Variants in GABRG1 observed in about 807,000 individuals in gnomAD.
GABRG1 encodes gamma-aminobutyric acid type A receptor subunit gamma1.
GABRG1 carries 49 observed loss-of-function variants against 49.8 expected under a neutral mutation model. The observed-to-expected ratio is 0.98, with a 90% CI of 0.78 to 1.25. GABRG1 has a LOEUF of 1.25. Among genes scored for constraint, GABRG1 ranks in the 50% most tolerant of loss-of-function variants. The pLI, the probability that GABRG1 is intolerant of heterozygous loss-of-function variation, is 0.00. For synonymous variants in GABRG1, 232 were observed against 185.1 expected, an observed-to-expected ratio of 1.25 and a Z score of -2.06; for missense variants, 552 against 552.3, an observed-to-expected ratio of 1.00 and a Z score of 0.01.
chr4:46,105,916 TGAA>T (rs1720521471), intron 1 of GABRG1, among the ~76,000 whole-genome samples: 1 of 151,430 alleles, frequency 6.6e-6, no homozygotes, highest in Non-Finnish European at 1.5e-5. Flanking sequence ...GCAAAACAAG[TGAA>T]GGAGTCCTAT....
chr4:46,102,663 T>C (rs1039413639), intron 1 of GABRG1, among the ~76,000 whole-genome samples: 5 of 151,702 alleles, frequency 3.3e-5, no homozygotes, highest in Non-Finnish European at 7.4e-5. Flanking sequence ...AGTCATTTAG[T>C]ATATGATTAT....
rs1261329871 is a variant in GABRG1 at position 46,058,466 on chromosome 4, ATTTGAGTATTCTT to A, written c.763+6_763+18del. On this transcript the variant is annotated splice_donor_region_variant and intron_variant, in intron 6 of 8. Coordinates refer to ENST00000295452, the MANE Select transcript of GABRG1 (RefSeq NM_173536.4). The stretch of plus-strand genomic sequence containing the variant: ...CATTTAATGCTAGCATCATTTCACT[ATTTGAGTATTCTT>A]TTTACCAGAGATCGTGTGAGTGATT... The A allele has an allele frequency of 2.5e-6, 4 of 1,610,124 alleles. No homozygotes were observed. In the African/African-American group the frequency reaches 5.3e-5, roughly 22 times the overall value.
At chr4:46,105,798 T>TAGATAGATAGATAGAC (rs771645200) in intron 1 of GABRG1, among the ~76,000 whole-genome samples, 1 of 125,942 alleles carries the variant, frequency 7.9e-6, no homozygotes, top group Non-Finnish European at 1.9e-5. Context: ...AGATGATAGA[T>TAGATAGATAGATAGAC]AGATAGATAG....
chr4:46,116,658 A>G (rs909155904), intron 1 of GABRG1, among the ~76,000 whole-genome samples: 2 of 150,846 alleles, frequency 1.3e-5, no homozygotes, highest in African/African-American at 2.4e-5. Flanking sequence ...GTCTTAGACT[A>G]TTCACTTCAA....
At position 46,040,043 on chromosome 4, in the gene GABRG1, C is replaced by G. The variant is rs930784134; in HGVS notation, c.*945G>C. ...TCAATATGACCGGCAACTCAGTTTGCCAGGTAATAATTTTTTAACCACGTG... is the reference window on the plus strand; with the variant it reads ...TCAATATGACCGGCAACTCAGTTTGGCAGGTAATAATTTTTTAACCACGTG... On this transcript the variant is annotated 3_prime_UTR_variant, in exon 9 of 9. Coordinates refer to ENST00000295452, the MANE Select transcript of GABRG1 (RefSeq NM_173536.4). 8 of 151,740 alleles carry G rather than the reference C, an allele frequency of 5.3e-5. No individual in the cohort carries two copies. Among genetic ancestry groups the G allele is most frequent in the African/African-American group, 1.4e-4 (6 of 41,462 alleles). The allele number at this position is 151,740 out of a possible 1,614,324, so 9.4% of individuals were successfully genotyped here.
intron 3 of GABRG1, among the ~76,000 whole-genome samples, chr4:46,076,416 T>G (rs1268269319): frequency 7.1e-6 from 1 of 141,122 alleles, no homozygotes; most frequent in African/African-American, 2.6e-5. Flanking sequence ...CTAAATTACT[T>G]TTTCTTAGAT....
chr4:46,074,129 C>T (rs190257158), intron 3 of GABRG1, among the ~76,000 whole-genome samples: 156 of 152,266 alleles, frequency 1.0e-3, no homozygotes, highest in Non-Finnish European at 1.9e-3. Flanking sequence ...TCCACATGTG[C>T]AACATTTGTT....
At chr4:46,088,738 T>C (rs1228290682) in intron 2 of GABRG1, among the ~76,000 whole-genome samples, 1 of 142,810 alleles carries the variant, frequency 7.0e-6, no homozygotes, top group Non-Finnish European at 1.5e-5. Flanking sequence ...CACTATAAAA[T>C]ACACACACAC....
intron 1 of GABRG1, among the ~76,000 whole-genome samples, chr4:46,105,698 A>G (rs777791908): frequency 4.6e-5 from 7 of 151,362 alleles, no homozygotes; most frequent in Non-Finnish European, 7.4e-5. Context: ...CACTATCTCC[A>G]GACACATAAT....
chr4:46,048,777 C>A (rs191375981), intron 8 of GABRG1, among the ~76,000 whole-genome samples: 94 of 151,792 alleles, frequency 6.2e-4, no homozygotes, highest in African/African-American at 2.0e-3. Flanking sequence ...TGAGAGAGAG[C>A]AAGCAAGCTG....
intron 1 of GABRG1, among the ~76,000 whole-genome samples, chr4:46,099,404 G>A (rs1334805521): frequency 1.3e-5 from 2 of 151,696 alleles, no homozygotes; most frequent in South Asian, 4.1e-4. Flanking sequence ...GACTTGGACA[G>A]AGCCACAGCT....
chr4:46,073,471 C>G (rs1372700172), intron 3 of GABRG1, among the ~76,000 whole-genome samples: 1 of 152,072 alleles, frequency 6.6e-6, no homozygotes, highest in Non-Finnish European at 1.5e-5. Flanking sequence ...GTTTTGGTCA[C>G]TTATTTCATA....
intron 1 of GABRG1, among the ~76,000 whole-genome samples, chr4:46,123,081 C>T (rs538043539): frequency 6.8e-6 from 1 of 147,354 alleles, no homozygotes; most frequent in African/African-American, 2.5e-5. Context: ...CTCTCTCTCT[C>T]TCTCTGTCCC....
chr4:46,104,926 C>T (rs1473367605), intron 1 of GABRG1, among the ~76,000 whole-genome samples: 2 of 151,370 alleles, frequency 1.3e-5, no homozygotes, highest in Non-Finnish European at 3.0e-5. Context: ...GTTTCCTCAT[C>T]AAACTTTTAA....
chr4:46,089,163 C>T (rs1196083139), intron 2 of GABRG1, among the ~76,000 whole-genome samples: 1 of 151,932 alleles, frequency 6.6e-6, no homozygotes, highest in Non-Finnish European at 1.5e-5. Flanking sequence ...GACTAGATTG[C>T]TGATGAAAGG....
chr4:46,121,001 A>G (rs779193272), intron 1 of GABRG1, among the ~76,000 whole-genome samples: 7 of 151,878 alleles, frequency 4.6e-5, no homozygotes, highest in African/African-American at 7.2e-5. Context: ...AAGATGCCAA[A>G]GAGTCTCCTA....
At chr4:46,061,476 A>G (rs1249335971) in intron 5 of GABRG1, among the ~76,000 whole-genome samples, 4 of 152,106 alleles carry the variant, frequency 2.6e-5, no homozygotes, top group Non-Finnish European at 4.4e-5. Flanking sequence ...AAAGAAAGAA[A>G]ATAGCATTAG....
At chr4:46,063,278 G>A (rs576444073) in intron 5 of GABRG1, among the ~76,000 whole-genome samples, 5 of 151,898 alleles carry the variant, frequency 3.3e-5, no homozygotes, top group Non-Finnish European at 5.9e-5. Flanking sequence ...ATACTACAAG[G>A]CTACAGTAAC....
chr4:46,064,644 T>C, intron 4 of GABRG1, 121 bp from the exon 5 acceptor site: 1 of 432,448 alleles, frequency 2.3e-6, no homozygotes, highest in Non-Finnish European at 4.2e-6. Flanking sequence ...TATTAGAATA[T>C]AATAATGATT....
Sources: gnomAD v4.1 joint callset for allele counts (sites outside exome capture counted in the v4.1 genomes callset) on GRCh38, gnomAD v4.1.1 for gene constraint, MANE v1.5 for transcripts, NCBI Gene and HGNC (gene_info 2026-07-23, HGNC 2026-07-21) for gene names.